SND1: variants seen among roughly 807,000 people sequenced by gnomAD.
The protein encoded by SND1 is staphylococcal nuclease and tudor domain containing 1, also known as staphylococcal nuclease domain-containing protein 1.
Under a neutral mutation model 121.7 loss-of-function variants are expected in SND1, and 38 were observed. That is an observed-to-expected ratio of 0.31 (90% CI 0.24 to 0.41). The LOEUF is 0.41. Ranked by LOEUF, SND1 falls within the 10% of genes least tolerant of loss-of-function variation. The probability of loss-of-function intolerance (pLI) is 1.00; values close to 1 mark genes in which losing one functional copy is unlikely to be tolerated. For missense variants in SND1, 868 were observed against 1,184.6 expected, an observed-to-expected ratio of 0.73 and a Z score of 3.92; for synonymous variants, 401 against 447.4, an observed-to-expected ratio of 0.90 and a Z score of 1.31.
At chr7:127,707,706 C>A (rs1341309992) in intron 9 of SND1, 59 bp downstream of exon 9, 3 of 1,419,162 alleles carry the variant, frequency 2.1e-6, no homozygotes, top group Non-Finnish European at 3.0e-6. Context: ...AGTAATAATA[C>A]AAGAATTTGA....
intron 12 of SND1, among the ~76,000 whole-genome samples, chr7:127,886,704 C>G (rs2116728968): frequency 6.6e-6 from 1 of 152,052 alleles, no homozygotes; most frequent in Non-Finnish European, 1.5e-5. Flanking sequence ...ACAAAGTTCC[C>G]TTTCCAGGTT....
At chr7:127,745,958 A>G (rs1796974002) in intron 10 of SND1, among the ~76,000 whole-genome samples, 1 of 152,174 alleles carries the variant, frequency 6.6e-6, no homozygotes, top group Non-Finnish European at 1.5e-5. Context: ...GGTTGCTTAC[A>G]CTGCTTATTG....
chr7:127,961,183 TA>T, intron 15 of SND1, among the ~76,000 whole-genome samples: 1 of 152,350 alleles, frequency 6.6e-6, no homozygotes, highest in East Asian at 1.9e-4. Flanking sequence ...AATGTATAAA[TA>T]ATGTAAAATA....
chr7:128,068,847 C>T (rs1330845833), intron 16 of SND1, among the ~76,000 whole-genome samples: 2 of 152,230 alleles, frequency 1.3e-5, no homozygotes, highest in East Asian at 3.8e-4. Flanking sequence ...ACAGCCTGTG[C>T]CGTTTGTATT....
intron 12 of SND1, 47 bp downstream of exon 12, chr7:127,844,471 A>G: frequency 6.9e-7 from 1 of 1,445,644 alleles, no homozygotes. Flanking sequence ...TCAAGTAGCT[A>G]AGAGTTCTTT....
chr7:127,858,011 C>G, intron 12 of SND1: 3 of 1,453,710 alleles, frequency 2.1e-6, no homozygotes, highest in South Asian at 1.1e-5. Flanking sequence ...CCCGGGTTCT[C>G]CCACTTATAT....
At chr7:127,984,014 C>G (rs182849851) in intron 15 of SND1, among the ~76,000 whole-genome samples, 36 of 152,292 alleles carry the variant, frequency 2.4e-4, no homozygotes, top group Admixed American at 1.4e-3. Flanking sequence ...TCCTGTCACC[C>G]TCTTAGTCAC....
Position 127,855,398 on chromosome 7 carries a change from A to G in SND1, c.1343+10974A>G, listed in dbSNP as rs751564434. On this transcript the variant is annotated intron_variant, in intron 12 of 23. Coordinates refer to ENST00000354725, the MANE Select transcript of SND1 (RefSeq NM_014390.4). ...AAGTGCTGGGATTATATCATGAGCC[A>G]CTGCACTGGCCTGGGTATTTTTTTA... 1.6e-3 allele frequency among the ~76,000 whole-genome samples: 248 copies of G among 152,280 alleles called. 1 individual carries two copies. Among genetic ancestry groups the G allele is most frequent in the Admixed American group, 1.4e-3 (21 of 15,302 alleles).
At chr7:127,715,751 C>T (rs753040645) in intron 9 of SND1, among the ~76,000 whole-genome samples, 8 of 152,082 alleles carry the variant, frequency 5.3e-5, no homozygotes, top group Non-Finnish European at 7.4e-5. Context: ...CTATTGTTGC[C>T]TGTTCCTTTG....
At chr7:128,086,834 G>T in intron 20 of SND1, 104 bp from the exon 21 acceptor site, 1 of 897,728 alleles carries the variant, frequency 1.1e-6, no homozygotes. Context: ...GAACAGGGTG[G>T]CCCAGAGTTA....
intron 22 of SND1, 120 bp downstream of exon 22, chr7:128,089,812 G>A (rs1793747616): frequency 5.4e-6 from 5 of 931,902 alleles, no homozygotes; most frequent in Non-Finnish European, 8.1e-6. Flanking sequence ...GCTGAGGAAA[G>A]ATAATGGATT....
In SND1 at chr7:128,085,909, G is replaced by T. The variant is rs1308513064; in HGVS notation, c.2304+129G>T. ...CAATGAGCATTGGGGCATCTCTGCT[G>T]TGCGTGTAACAGGCCAGGCCCCCTC... On this transcript the variant is annotated intron_variant, in intron 20 of 23. Coordinates refer to ENST00000354725, the MANE Select transcript of SND1 (RefSeq NM_014390.4). This position sits in a 1 kb window ranked among gnomAD's most constrained non-coding sequence, Gnocchi z 4.4. The T allele has an allele frequency of 1.2e-6, 1 of 818,966 alleles. No individual in the cohort carries two copies. The highest frequency in any genetic ancestry group is 2.6e-5 in the East Asian group (1 of 39,208). 50.7% of individuals were successfully genotyped at this position (818,966 alleles called of 1,614,324 possible). A position where few individuals can be genotyped will look rare whatever the true frequency, so the allele number is the denominator to read the frequency against.
chr7:128,028,270 C>CTATCTT, intron 16 of SND1: 1 of 165,444 alleles, frequency 6.0e-6, no homozygotes, highest in Non-Finnish European at 1.3e-5. Flanking sequence ...AGTCCTGTGT[C>CTATCTT]CTATGAAGCA....
rs1474266921 is a variant in SND1, at chr7:128,031,747, G to GGCC, written c.1779+40694_1779+40696dup. The stretch of plus-strand genomic sequence containing the variant: ...CGGGCGCGGGTCCGGCGGCGGCGGC[G>GGCC]GCCGCAGCCCCCGGCGGCGCGCAAC... On this transcript the variant is annotated intron_variant, in intron 16 of 23. Transcript: ENST00000354725. The GGCC allele has an allele frequency of 2.8e-5, 4 of 144,448 alleles. No individual in the cohort carries two copies. The South Asian group carries it at 6.3e-4, about 23-fold the overall frequency. The allele number at this position is 144,448 out of a possible 1,614,324, so 8.9% of individuals were successfully genotyped here.
At chr7:128,089,309 C>T (rs1340662372) in intron 21 of SND1, among the ~76,000 whole-genome samples, 180 bp from the exon 22 acceptor site, 1 of 152,184 alleles carries the variant, frequency 6.6e-6, no homozygotes, top group Non-Finnish European at 1.5e-5. Context: ...CCACCTCAGC[C>T]TCCCAAAGTG....
chr7:127,852,482 A>G (rs1315975933), intron 12 of SND1, among the ~76,000 whole-genome samples: 1 of 143,704 alleles, frequency 7.0e-6, no homozygotes, highest in Non-Finnish European at 1.5e-5. Flanking sequence ...ACAAAGTGAG[A>G]CTCCCTCTAA....
chr7:127,652,315 C>G lies in SND1; in HGVS notation c.-59C>G. ...GACTCCCTTTCACCAACACCGACAC[C>G]CACATTGACACCTCCAGTCCGGCCA... On this transcript the variant is annotated 5_prime_UTR_variant, in exon 1 of 24. Coordinates refer to ENST00000354725, the MANE Select transcript of SND1 (RefSeq NM_014390.4). 7.1e-7 allele frequency: 1 copy of G among 1,410,836 alleles called. No individual in the cohort carries two copies. Among genetic ancestry groups the G allele is most frequent in the East Asian group, 2.5e-5 (1 of 40,796 alleles). 87.4% of individuals were successfully genotyped at this position (1,410,836 alleles called of 1,614,324 possible). A position where few individuals can be genotyped will look rare whatever the true frequency, so the allele number is the denominator to read the frequency against.
At chr7:127,928,240 C>G (rs1800884775) in intron 14 of SND1, 1 of 152,150 alleles carries the variant, frequency 6.6e-6, no homozygotes, top group Non-Finnish European at 1.5e-5. Flanking sequence ...ATAATGATTC[C>G]TGCTGACATG....
At chr7:127,807,727 G>A (rs1341506355) in intron 11 of SND1, among the ~76,000 whole-genome samples, 154 bp downstream of exon 11, 2 of 152,176 alleles carry the variant, frequency 1.3e-5, no homozygotes, top group African/African-American at 4.8e-5. Context: ...GCGTGTTTAT[G>A]TGTCAGAAAC....
Sources: allele counts gnomAD v4.1 joint callset (sites outside exome capture counted in the v4.1 genomes callset), GRCh38; gene constraint gnomAD v4.1.1; non-coding constraint Gnocchi (gnomAD v3.1); transcripts MANE v1.5; gene names NCBI Gene and HGNC (gene_info 2026-07-23, HGNC 2026-07-21).